Variants in HTR4 observed in about 807,000 individuals in gnomAD.
The protein encoded by HTR4 is 5-hydroxytryptamine receptor 4, also known as 5-hydroxytryptamine (serotonin) receptor 4, G protein-coupled.
In HTR4, 16 loss-of-function variants were observed where a neutral mutation model predicts 36.8. That is an observed-to-expected ratio of 0.43 (90% confidence interval 0.29 to 0.66). The LOEUF is 0.66. HTR4 is among the 30% of genes least tolerant of loss of function. The probability of loss-of-function intolerance (pLI) is 0.13; values close to 1 mark genes in which losing one functional copy is unlikely to be tolerated. For synonymous variants in HTR4, 189 were observed against 185.1 expected, an observed-to-expected ratio of 1.02 and a Z score of -0.17; for missense variants, 438 against 490.9, an observed-to-expected ratio of 0.89 and a Z score of 1.02.
At chr5:148,572,166 T>G (rs559711817) in intron 2 of HTR4, among the ~76,000 whole-genome samples, 3 of 152,244 alleles carry the variant, frequency 2.0e-5, no homozygotes, top group Admixed American at 1.3e-4. Context: ...TCCAAGATTT[T>G]AGGCCTTGTC....
intron 6 of HTR4, among the ~76,000 whole-genome samples, chr5:148,499,278 T>A (rs1172235172): frequency 3.3e-5 from 5 of 152,312 alleles, no homozygotes; most frequent in Non-Finnish European, 2.9e-5. Context: ...TTTTCTGGAA[T>A]AATGTTAGGT....
chr5:148,648,908 G>A (rs1163330023), intron 1 of HTR4, among the ~76,000 whole-genome samples: 2 of 152,124 alleles, frequency 1.3e-5, no homozygotes, highest in African/African-American at 2.4e-5. Flanking sequence ...CATCCTTCCT[G>A]GAGCCAAGTT....
downstream of HTR4, among the ~76,000 whole-genome samples, chr5:148,476,939 T>A (rs1755716791): frequency 6.6e-6 from 1 of 152,120 alleles, no homozygotes; most frequent in Admixed American, 6.5e-5. Context: ...GCCAGGGGAA[T>A]CATGCCCAGT....
At chr5:148,544,255 C>T (rs2113837608) in intron 4 of HTR4, among the ~76,000 whole-genome samples, 1 of 151,488 alleles carries the variant, frequency 6.6e-6, no homozygotes, top group East Asian at 1.9e-4. Context: ...ATCTCTCTCT[C>T]TTTCTTTCTC....
At chr5:148,632,515 G>C (rs1753360907) in intron 2 of HTR4, among the ~76,000 whole-genome samples, 1 of 152,020 alleles carries the variant, frequency 6.6e-6, no homozygotes, top group African/African-American at 2.4e-5. Context: ...GTGAGTCAAG[G>C]GTAGGCAGAA....
chr5:148,509,524 T>A lies in HTR4; in HGVS notation c.1008A>T (p.Arg336Ser), dbSNP rs202011215. 1 of 1,613,984 alleles carries A rather than the reference T, an allele frequency of 6.2e-7. No homozygotes were observed. The highest frequency in any genetic ancestry group is 8.5e-7 in the Non-Finnish European group (1 of 1,179,972). Residue 336 changes from arginine (R) to serine (S), a missense_variant, in exon 6 of 7, where the codon AGA (arginine) becomes AGT (serine). By Grantham distance (110) the Arg-to-Ser change is moderately radical. Coordinates refer to ENST00000377888, the MANE Select transcript of HTR4 (RefSeq NM_000870.7). Reference sequence around the variant, plus strand: ...GGACAGTCTGGCCCAGAATGGAAGGTCTTCGGTAGCGCTCATCATCACAGC... The same window carrying A: ...GGACAGTCTGGCCCAGAATGGAAGGACTTCGGTAGCGCTCATCATCACAGC... ...ILCCDDERYR[R>S]PSILGQTVPC...
chr5:148,559,763 C>T (rs1217439128), intron 2 of HTR4, among the ~76,000 whole-genome samples: 1 of 152,086 alleles, frequency 6.6e-6, no homozygotes, highest in Non-Finnish European at 1.5e-5. Flanking sequence ...ATGCCAAAGA[C>T]ACTGCTCCCC....
intron 6 of HTR4, among the ~76,000 whole-genome samples, chr5:148,483,973 ATTTATTTG>A (rs1168507511): frequency 7.2e-6 from 1 of 138,628 alleles, no homozygotes; most frequent in Non-Finnish European, 1.5e-5. Context: ...TTATTTATTT[ATTTATTTG>A]AGCCAAAATA....
intron 4 of HTR4, among the ~76,000 whole-genome samples, chr5:148,548,134 G>T (rs1204020973): frequency 2.0e-5 from 3 of 152,020 alleles, no homozygotes; most frequent in Non-Finnish European, 4.4e-5. Context: ...GCTAGATCTG[G>T]GTCCAAAAAT....
intron 5 of HTR4, among the ~76,000 whole-genome samples, chr5:148,458,099 A>AT (rs1755163941): frequency 3.7e-5 from 2 of 53,794 alleles, no homozygotes; most frequent in African/African-American, 4.7e-5. Flanking sequence ...ATTATATTTT[A>AT]ATATCTATTA....
intron 4 of HTR4, among the ~76,000 whole-genome samples, chr5:148,526,812 G>A (rs759820441): frequency 5.9e-5 from 9 of 152,082 alleles, no homozygotes; most frequent in African/African-American, 2.2e-4. Context: ...TCATGTGAGG[G>A]AGCTAAGAAA....
chr5:148,476,481 CAGAA>C (rs1373496332), downstream of HTR4, among the ~76,000 whole-genome samples: 1 of 152,162 alleles, frequency 6.6e-6, no homozygotes, highest in Non-Finnish European at 1.5e-5. Flanking sequence ...AAAACTGTCA[CAGAA>C]AGAGTTTTCT....
At chr5:148,554,685 G>A (rs1759849166) in intron 2 of HTR4, among the ~76,000 whole-genome samples, 1 of 152,226 alleles carries the variant, frequency 6.6e-6, no homozygotes, top group Non-Finnish European at 1.5e-5. Context: ...TTTATTTTAG[G>A]TCCAGAGGTA....
At chr5:148,566,504 T>A (rs370170199) in intron 2 of HTR4, among the ~76,000 whole-genome samples, 1 of 152,116 alleles carries the variant, frequency 6.6e-6, no homozygotes, top group African/African-American at 2.4e-5. Flanking sequence ...CAGGACAAAG[T>A]GAAAAGCAAA....
intron 6 of HTR4, among the ~76,000 whole-genome samples, chr5:148,491,541 G>T (rs1462720180): frequency 1.3e-5 from 2 of 152,010 alleles, no homozygotes; most frequent in Non-Finnish European, 2.9e-5. Flanking sequence ...CTTTGCTCTG[G>T]GGTGTTCCAT....
chr5:148,604,308 T>A (rs1475465835), intron 2 of HTR4, among the ~76,000 whole-genome samples: 1 of 152,074 alleles, frequency 6.6e-6, no homozygotes, highest in African/African-American at 2.4e-5. Context: ...CATAACAATA[T>A]GAAGAGAAGC....
intron 2 of HTR4, among the ~76,000 whole-genome samples, chr5:148,582,919 C>G (rs1761196124): frequency 6.6e-6 from 1 of 151,840 alleles, no homozygotes. Context: ...AATTGAATAC[C>G]CTTTATTTCC....
intron 1 of HTR4, among the ~76,000 whole-genome samples, chr5:148,640,883 A>C (rs926021822): frequency 6.6e-6 from 1 of 152,234 alleles, no homozygotes. Flanking sequence ...TATTCATAGC[A>C]TATAGATTGT....
chr5:148,476,899 G>A (rs1048488350), downstream of HTR4, among the ~76,000 whole-genome samples: 1 of 152,202 alleles, frequency 6.6e-6, no homozygotes, highest in African/African-American at 2.4e-5. Flanking sequence ...CAGGTAGGAG[G>A]TGGTATTTGA....
Sources: allele counts gnomAD v4.1 joint callset (sites outside exome capture counted in the v4.1 genomes callset), GRCh38; gene constraint gnomAD v4.1.1; transcripts MANE v1.5; gene names NCBI Gene and HGNC (gene_info 2026-07-23, HGNC 2026-07-21).